The following FSHR variants were observed in gnomAD, a reference collection of about 807,000 sequenced individuals.
FSHR encodes the protein follicle-stimulating hormone receptor.
Under a neutral mutation model 52.1 loss-of-function variants are expected in FSHR, and 46 were observed. The ratio of observed to expected loss-of-function variants is 0.88; its 90% CI spans 0.70 to 1.13. The LOEUF (loss-of-function observed/expected upper bound fraction) is 1.13. FSHR is among the 50% of genes most tolerant of loss of function. FSHR has a pLI of 0.00. For missense variants in FSHR, 964 were observed against 834.6 expected, an observed-to-expected ratio of 1.16 and a Z score of -1.91; for synonymous variants, 399 against 309.6, an observed-to-expected ratio of 1.29 and a Z score of -3.03.
rs1182634374 is a variant in FSHR, at chr2:48,987,861, C to T, written c.524+1116G>A. Among the ~76,000 whole-genome samples the T allele has an allele frequency of 3.3e-5, 5 of 151,776 alleles. 1 individual carries two copies. Among genetic ancestry groups the T allele is most frequent in the Admixed American group, 2.0e-4 (3 of 15,250 alleles). On this transcript the variant is annotated intron_variant, in intron 6 of 9. Transcript: ENST00000406846. ...CAACACACACACACACACACACACA[C>T]ACACACACACCCCTTCACTTCAAAT...
intron 4 of FSHR, among the ~76,000 whole-genome samples, chr2:49,017,079 CAAAAT>C (rs1239811364): frequency 6.6e-6 from 1 of 151,960 alleles, no homozygotes; most frequent in Non-Finnish European, 1.5e-5. Context: ...ACAAAATAAA[CAAAAT>C]AAAATGCTGA....
chr2:49,151,672 A>G (rs534035535), intron 1 of FSHR, among the ~76,000 whole-genome samples: 5 of 152,276 alleles, frequency 3.3e-5, no homozygotes, highest in South Asian at 2.1e-4. Context: ...ATTGCAGTCA[A>G]TGAAGTCCAA....
chr2:48,988,948 C>T lies in FSHR; in HGVS notation c.524+29G>A, dbSNP rs371780180. 2.4e-5 allele frequency: 38 copies of T among 1,573,040 alleles called. No individual in the cohort carries two copies. In the African/African-American group the frequency reaches 4.0e-4, roughly 17 times the overall value. On this transcript the variant is annotated intron_variant, in intron 6 of 9. Coordinates refer to ENST00000406846, the MANE Select transcript of FSHR (RefSeq NM_000145.4). ...TCACTAAATGAAAAATCAAATGTTA[C>T]TCTGTTGGATTTTTTCCCCCTTACT...
intron 2 of FSHR, among the ~76,000 whole-genome samples, chr2:49,056,767 T>C (rs1319557481): frequency 4.0e-5 from 6 of 151,780 alleles, no homozygotes; most frequent in Non-Finnish European, 8.8e-5. Flanking sequence ...GTTAGGACAA[T>C]AAACAAGTCT....
intron 2 of FSHR, among the ~76,000 whole-genome samples, chr2:49,034,314 G>A (rs1168314091): frequency 6.6e-6 from 1 of 152,184 alleles, no homozygotes; most frequent in Non-Finnish European, 1.5e-5. Context: ...AGTATTGCCT[G>A]ACCCCCCTTC....
chr2:49,107,733 C>T (rs1671282270), intron 1 of FSHR, among the ~76,000 whole-genome samples: 1 of 152,064 alleles, frequency 6.6e-6, no homozygotes, highest in African/African-American at 2.4e-5. Context: ...AACTACTATT[C>T]CCAATTTTAT....
chr2:49,120,080 G>A (rs1176474471), intron 1 of FSHR, among the ~76,000 whole-genome samples: 4 of 152,094 alleles, frequency 2.6e-5, no homozygotes, highest in African/African-American at 9.7e-5. Flanking sequence ...GACCCACCTG[G>A]CCAACATGGT....
At chr2:49,127,799 CTTCTTCT>C (rs1672077127) in intron 1 of FSHR, among the ~76,000 whole-genome samples, 1 of 55,396 alleles carries the variant, frequency 1.8e-5, no homozygotes, top group African/African-American at 7.6e-5. Flanking sequence ...TCTTCTTCTT[CTTCTTCT>C]TCTTCTTCTT....
chr2:49,069,853 G>C (rs934851780), intron 1 of FSHR, among the ~76,000 whole-genome samples: 1 of 152,152 alleles, frequency 6.6e-6, no homozygotes, highest in African/African-American at 2.4e-5. Flanking sequence ...AAGGCAGTCT[G>C]TGAGCAGGAA....
chr2:49,056,570 A>G (rs1302072086), intron 2 of FSHR, among the ~76,000 whole-genome samples: 2 of 151,574 alleles, frequency 1.3e-5, no homozygotes, highest in African/African-American at 2.4e-5. Context: ...TAGTAGTTGG[A>G]GACTTCAACA....
At chr2:49,122,495 T>C (rs1671853461) in intron 1 of FSHR, among the ~76,000 whole-genome samples, 1 of 152,128 alleles carries the variant, frequency 6.6e-6, no homozygotes, top group South Asian at 2.1e-4. Context: ...TCCTTGAAAT[T>C]GTGTCTTGGA....
At chr2:49,050,543 T>G (rs1262977240) in intron 2 of FSHR, among the ~76,000 whole-genome samples, 1 of 152,184 alleles carries the variant, frequency 6.6e-6, no homozygotes, top group East Asian at 1.9e-4. Context: ...AATGGTAGAT[T>G]CCAACTAAAA....
chr2:49,032,963 A>T (rs1668150799), intron 2 of FSHR, among the ~76,000 whole-genome samples: 1 of 152,266 alleles, frequency 6.6e-6, no homozygotes, highest in African/African-American at 2.4e-5. Flanking sequence ...CCAATTTATT[A>T]CATCAAATCC....
chr2:49,122,700 C>G (rs115119817), intron 1 of FSHR, among the ~76,000 whole-genome samples: 397 of 152,310 alleles, frequency 2.6e-3, no homozygotes, highest in Non-Finnish European at 4.5e-3. Flanking sequence ...TGTGCAATAG[C>G]TTTCCATTGT....
intron 1 of FSHR, among the ~76,000 whole-genome samples, chr2:49,134,878 A>T (rs1672429007): frequency 6.6e-6 from 1 of 152,136 alleles, no homozygotes; most frequent in African/African-American, 2.4e-5. Flanking sequence ...GATCACATGG[A>T]CACAGGAAGG....
intron 8 of FSHR, among the ~76,000 whole-genome samples, chr2:48,979,960 A>G (rs1675173301): frequency 6.6e-6 from 1 of 152,172 alleles, no homozygotes; most frequent in Non-Finnish European, 1.5e-5. Context: ...GGGCTGGTCT[A>G]CTGCACACCT....
At chr2:49,149,725 A>T (rs560047294) in intron 1 of FSHR, among the ~76,000 whole-genome samples, 4 of 152,182 alleles carry the variant, frequency 2.6e-5, no homozygotes, top group Admixed American at 1.3e-4. Flanking sequence ...ATCTGTGGTT[A>T]TGGAATATGG....
At chr2:49,040,694 G>A (rs1668450942) in intron 2 of FSHR, among the ~76,000 whole-genome samples, 1 of 152,200 alleles carries the variant, frequency 6.6e-6, no homozygotes, top group African/African-American at 2.4e-5. Flanking sequence ...GGGCCATGGG[G>A]AGTCTGGCCT....
rs570149787 is a variant in FSHR, at chr2:49,045,587, AG to A, written c.224+22631del. On this transcript the variant is annotated intron_variant, in intron 2 of 9. Coordinates refer to ENST00000406846, the MANE Select transcript of FSHR (RefSeq NM_000145.4). ...AAAACAAGAAAAAAGAAAGCCAATA[AG>A]TCTAGTTGACTTAGGAAATTTTCTT... is the stretch of plus-strand genomic sequence containing the variant. 3.4e-3 allele frequency among the ~76,000 whole-genome samples: 515 copies of A among 152,302 alleles called. 1 individual carries two copies. The highest frequency in any genetic ancestry group is 4.1e-3 in the Non-Finnish European group (281 of 68,024).
Sources: allele counts gnomAD v4.1 joint callset (sites outside exome capture counted in the v4.1 genomes callset), GRCh38; gene constraint gnomAD v4.1.1; transcripts MANE v1.5; gene names NCBI Gene and HGNC (gene_info 2026-07-23, HGNC 2026-07-21).